PARD3B: variants seen among roughly 807,000 people sequenced by gnomAD.
PARD3B encodes par-3 family cell polarity regulator beta.
A neutral mutation model predicts 130.2 loss-of-function variants in PARD3B; 103 were observed. That is an observed-to-expected ratio of 0.79 (90% CI 0.67 to 0.93). The LOEUF (loss-of-function observed/expected upper bound fraction) is 0.93, where lower values mean the gene tolerates loss of function less well. Ranked by LOEUF, PARD3B falls within the 40% of genes least tolerant of loss-of-function variation. The probability of loss-of-function intolerance (pLI) is 0.00; values close to 1 mark genes in which losing one functional copy is unlikely to be tolerated. For synonymous variants in PARD3B, 583 were observed against 553.2 expected (o/e 1.05, Z -0.76); for missense variants, 1,609 against 1,499.2 (o/e 1.07, Z -1.21).
At chr2:205,381,846 A>G (rs1195425932) in intron 18 of PARD3B, among the ~76,000 whole-genome samples, 1 of 152,062 alleles carries the variant, frequency 6.6e-6, no homozygotes, top group Non-Finnish European at 1.5e-5. Context: ...ACAAGAAACT[A>G]GAGGGATGCA....
intron 18 of PARD3B, among the ~76,000 whole-genome samples, chr2:205,324,771 G>A (rs1333678336): frequency 6.6e-6 from 1 of 151,822 alleles, no homozygotes; most frequent in Non-Finnish European, 1.5e-5. Flanking sequence ...CTCTTTCTCT[G>A]GGAGAGAAAG....
At position 205,093,931 on chromosome 2, in the gene PARD3B, G is replaced by A. The variant is rs562863533; in HGVS notation, c.505-10495G>A. On this transcript the variant is annotated intron_variant, in intron 4 of 22. Transcript: ENST00000406610. ...ACAAACAAACCTTTTGCTGACTGCT[G>A]CCCATGACTACAGCTGCTCTCAGCA... Among the ~76,000 whole-genome samples the A allele has an allele frequency of 4.6e-5, 7 of 152,200 alleles. No individual in the cohort carries two copies. In the East Asian group the frequency reaches 1.4e-3, roughly 29 times the overall value.
intron 1 of PARD3B, among the ~76,000 whole-genome samples, chr2:204,560,944 C>T (rs576219288): frequency 9.2e-5 from 14 of 152,066 alleles, no homozygotes; most frequent in Admixed American, 3.3e-4. Flanking sequence ...GGTTGACTCT[C>T]AGTGGGAAGA....
At chr2:204,653,262 A>C (rs1407496717) in intron 1 of PARD3B, among the ~76,000 whole-genome samples, 6 of 137,106 alleles carry the variant, frequency 4.4e-5, no homozygotes, top group African/African-American at 1.7e-4. Context: ...TGTACCCCTG[A>C]ACCTAAAATA....
chr2:205,493,831 C>T (rs537201195), intron 20 of PARD3B, among the ~76,000 whole-genome samples: 5 of 151,874 alleles, frequency 3.3e-5, no homozygotes, highest in Non-Finnish European at 7.4e-5. Flanking sequence ...GATCTCAGCT[C>T]ACTGCAACCT....
At chr2:205,384,900 C>T (rs1037434323) in intron 18 of PARD3B, among the ~76,000 whole-genome samples, 1 of 152,082 alleles carries the variant, frequency 6.6e-6, no homozygotes, top group Non-Finnish European at 1.5e-5. Flanking sequence ...AGCCCTCATA[C>T]TCTGTTTCTG....
At chr2:204,772,790 TG>T (rs770485997) in intron 2 of PARD3B, among the ~76,000 whole-genome samples, 67 of 152,330 alleles carry the variant, frequency 4.4e-4, no homozygotes, top group Non-Finnish European at 7.8e-4. Flanking sequence ...GATTGTATTT[TG>T]TATGGTTTAT....
rs908102322 is a variant in PARD3B, at chr2:205,473,768, A to G, written c.3045-26128A>G. ...TATATATATATATAACCTTAAATAT[A>G]TATATTTTATATTTTTTTAACTTGC... is the stretch of plus-strand genomic sequence containing the variant. On this transcript the variant is annotated intron_variant, in intron 20 of 22. Transcript: ENST00000406610. This position sits in a 1 kb window ranked among gnomAD's most constrained non-coding sequence, Gnocchi z 4.9. Among the ~76,000 whole-genome samples, 1 of 147,426 alleles carries G rather than the reference A, an allele frequency of 6.8e-6. No individual in the cohort carries two copies. The highest frequency in any genetic ancestry group is 1.5e-5 in the Non-Finnish European group (1 of 67,018).
At chr2:205,065,942 A>G (rs1003659769) in intron 4 of PARD3B, among the ~76,000 whole-genome samples, 5 of 152,166 alleles carry the variant, frequency 3.3e-5, no homozygotes, top group East Asian at 1.9e-4. Flanking sequence ...GCCCCCATTT[A>G]TTCATACTTA....
chr2:204,989,896 AC>A, intron 3 of PARD3B, among the ~76,000 whole-genome samples: 5 of 152,102 alleles, frequency 3.3e-5, no homozygotes, highest in Non-Finnish European at 7.4e-5. Flanking sequence ...CACCTTCTTC[AC>A]ATAGTCAATG....
At chr2:204,683,856 AT>A (rs888392898) in intron 1 of PARD3B, among the ~76,000 whole-genome samples, 1 of 152,176 alleles carries the variant, frequency 6.6e-6, no homozygotes, top group African/African-American at 2.4e-5. Flanking sequence ...TGTTTCCAAA[AT>A]GTATCAAGAT....
intron 2 of PARD3B, among the ~76,000 whole-genome samples, chr2:204,780,961 A>G (rs528858265): frequency 2.0e-5 from 3 of 152,242 alleles, no homozygotes; most frequent in South Asian, 2.1e-4. Flanking sequence ...GACCATCAAT[A>G]TGGAAAATGG....
chr2:204,947,552 C>T (rs1457968631), intron 2 of PARD3B, among the ~76,000 whole-genome samples: 1 of 29,108 alleles, frequency 3.4e-5, no homozygotes, highest in Non-Finnish European at 6.4e-5. Context: ...CCTCCCCTCC[C>T]CTCCCTCCCC....
rs2047659102 is a variant in PARD3B, at chr2:205,440,091, A to C, written c.2742-279A>C. Among the ~76,000 whole-genome samples, 1 of 152,156 alleles carries C rather than the reference A, an allele frequency of 6.6e-6. No homozygotes were observed. ...TCTGTGGGGAGGGAATGTGAATGAAAACAGCCTCTGAAGCTACTATCAGCC... is the reference window on the plus strand; with the variant it reads ...TCTGTGGGGAGGGAATGTGAATGAACACAGCCTCTGAAGCTACTATCAGCC... On this transcript the variant is annotated intron_variant, in intron 19 of 22. Transcript: ENST00000406610. This position sits in a 1 kb window ranked among gnomAD's most constrained non-coding sequence, Gnocchi z 4.2.
At chr2:205,521,570 T>TA (rs2051060458) in intron 21 of PARD3B, among the ~76,000 whole-genome samples, 2 of 151,172 alleles carry the variant, frequency 1.3e-5, no homozygotes, top group Non-Finnish European at 3.0e-5. Flanking sequence ...TCTTTTTCTA[T>TA]TAATGTGAGA....
intron 1 of PARD3B, among the ~76,000 whole-genome samples, chr2:204,550,571 G>A (rs1351596743): frequency 6.6e-6 from 1 of 152,118 alleles, no homozygotes; most frequent in Admixed American, 6.5e-5. Flanking sequence ...CAGGCATGCT[G>A]GAATTTACAA....
intron 15 of PARD3B, among the ~76,000 whole-genome samples, chr2:205,204,420 G>C (rs2037169018): frequency 6.6e-6 from 1 of 152,146 alleles, no homozygotes; most frequent in East Asian, 1.9e-4. Context: ...TCTGATGATA[G>C]TTTCTTTTGC....
At chr2:204,709,756 A>C (rs1456833424) in intron 2 of PARD3B, among the ~76,000 whole-genome samples, 1 of 152,182 alleles carries the variant, frequency 6.6e-6, no homozygotes, top group Non-Finnish European at 1.5e-5. Context: ...CAATTTCCAG[A>C]CCAGGAATAC....
chr2:205,321,956 ATGG>A lies in PARD3B; in HGVS notation c.2630+20258_2630+20260del, dbSNP rs1327383787. 2.0e-5 allele frequency among the ~76,000 whole-genome samples: 3 copies of A among 152,224 alleles called. No individual in the cohort carries two copies. Among genetic ancestry groups the A allele is most frequent in the African/African-American group, 7.2e-5 (3 of 41,460 alleles). The stretch of plus-strand genomic sequence containing the variant: ...ATTTGGTGCAGAGTGCTTGAATGAA[ATGG>A]TGAACAGGAAAATATCCTGCTTGTT... On this transcript the variant is annotated intron_variant, in intron 18 of 22. Transcript: ENST00000406610. This position sits in a 1 kb window ranked among gnomAD's most constrained non-coding sequence, Gnocchi z 4.2.
Sources: allele counts gnomAD v4.1 joint callset (sites outside exome capture counted in the v4.1 genomes callset), GRCh38; gene constraint gnomAD v4.1.1; non-coding constraint Gnocchi (gnomAD v3.1); transcripts MANE v1.5; gene names NCBI Gene and HGNC (gene_info 2026-07-23, HGNC 2026-07-21).